CFAP96: variants seen among roughly 807,000 people sequenced by gnomAD.
CFAP96 encodes cilia and flagella associated protein 96.
At chr4:185,440,538 A>G in the CFAP96 span, 15 of 1,495,128 alleles carry the variant, frequency 1.0e-5, no homozygotes, top group African/African-American at 8.7e-5. Context: ...TTTAATTCAC[A>G]GAAAGCGAAT....
Sources: gnomAD v4.1 joint callset for allele counts on GRCh38, gnomAD v4.1.1 for gene constraint, MANE v1.5 for transcripts, NCBI Gene and HGNC (gene_info 2026-07-23, HGNC 2026-07-21) for gene names.